Variants in RBFOX1 observed in about 807,000 individuals in gnomAD.
The protein encoded by RBFOX1 is RNA binding fox-1 homolog 1.
RBFOX1 carries 8 observed loss-of-function variants against 57.7 expected under a neutral mutation model. That is an observed-to-expected ratio of 0.14 (90% CI 0.08 to 0.25). RBFOX1 has a LOEUF of 0.25. RBFOX1 is among the 10% of genes least tolerant of loss of function. The probability of loss-of-function intolerance (pLI) is 1.00; values close to 1 mark genes in which losing one functional copy is unlikely to be tolerated. For missense variants in RBFOX1, 611 were observed against 548.5 expected (o/e 1.11, Z -1.14); for synonymous variants, 326 against 222.4 (o/e 1.47, Z -4.15).
chr16:6,804,423 A>T (rs1032244140), intron 3 of RBFOX1, among the ~76,000 whole-genome samples: 1 of 152,168 alleles, frequency 6.6e-6, no homozygotes. Context: ...CAGGTCAACA[A>T]TAACTCTTTG....
chr16:7,237,212 G>C lies in RBFOX1; in HGVS notation c.27+185114G>C, dbSNP rs78650332. ...ATAACTTCCCTTGCCTGGCATCTGG[G>C]TTCTTGCCTTGTAATCCAGAAGACC... On this transcript the variant is annotated intron_variant, in intron 4 of 15. Coordinates refer to ENST00000550418, the MANE Select transcript of RBFOX1 (RefSeq NM_018723.4). 7.2e-5 allele frequency among the ~76,000 whole-genome samples: 11 copies of C among 152,302 alleles called. No homozygotes were observed. The East Asian group carries it at 1.9e-3, about 27-fold the overall frequency.
intron 5 of RBFOX1, among the ~76,000 whole-genome samples, chr16:7,521,227 A>G (rs574473195): frequency 1.3e-5 from 2 of 152,298 alleles, no homozygotes; most frequent in South Asian, 2.1e-4. Context: ...AAGTCCTAAG[A>G]AGAGGCCAGT....
At chr16:7,505,680 G>A (rs972140810) in intron 4 of RBFOX1, among the ~76,000 whole-genome samples, 14 of 152,226 alleles carry the variant, frequency 9.2e-5, no homozygotes, top group African/African-American at 2.9e-4. Context: ...CAAGTCGACC[G>A]CCCACTCGGT....
At chr16:6,795,360 G>T (rs1001149371) in intron 3 of RBFOX1, among the ~76,000 whole-genome samples, 1 of 152,076 alleles carries the variant, frequency 6.6e-6, no homozygotes, top group East Asian at 1.9e-4. Context: ...CATTTCACCC[G>T]AGTCCACAAC....
chr16:6,914,524 C>G lies in RBFOX1; in HGVS notation c.-15-137533C>G, dbSNP rs184869336. 4.5e-4 allele frequency among the ~76,000 whole-genome samples: 69 copies of G among 151,910 alleles called. No individual in the cohort carries two copies. The East Asian group carries it at 0.012, about 26-fold the overall frequency. On this transcript the variant is annotated intron_variant, in intron 3 of 15. Transcript: ENST00000550418. ...AGCCACCTTTGATAAGTGAGAATCT[C>G]TCTGGACATCAGTTTTCAGCTCCAG...
intron 4 of RBFOX1, among the ~76,000 whole-genome samples, chr16:7,264,910 A>G (rs754131155): frequency 2.6e-5 from 4 of 152,230 alleles, no homozygotes; most frequent in Non-Finnish European, 4.4e-5. Flanking sequence ...ACCTTCCCAC[A>G]GAAAGATCCA....
At chr16:5,406,065 C>T (rs1185579383) in intron 1 of RBFOX1, among the ~76,000 whole-genome samples, 2 of 152,144 alleles carry the variant, frequency 1.3e-5, no homozygotes, top group Admixed American at 6.5e-5. Flanking sequence ...TTACTTGCAA[C>T]CAAAGGCATT....
At chr16:6,364,586 C>G (rs1204996587) in intron 2 of RBFOX1, among the ~76,000 whole-genome samples, 1 of 152,200 alleles carries the variant, frequency 6.6e-6, no homozygotes, top group African/African-American at 2.4e-5. Flanking sequence ...CATGTGTGTA[C>G]ACACACTTTC....
intron 4 of RBFOX1, among the ~76,000 whole-genome samples, chr16:7,116,704 G>T (rs768141156): frequency 1.3e-5 from 2 of 152,168 alleles, no homozygotes; most frequent in Non-Finnish European, 2.9e-5. Context: ...TCTGTTTACT[G>T]TTAAGGTACG....
At chr16:6,818,571 A>C (rs1043308111) in intron 3 of RBFOX1, among the ~76,000 whole-genome samples, 1 of 152,086 alleles carries the variant, frequency 6.6e-6, no homozygotes, top group Non-Finnish European at 1.5e-5. Context: ...TTTTCTTCTA[A>C]AGTTGCTATG....
chr16:7,276,088 C>A (rs1026085391), intron 4 of RBFOX1, among the ~76,000 whole-genome samples: 2 of 152,300 alleles, frequency 1.3e-5, no homozygotes, highest in African/African-American at 2.4e-5. Flanking sequence ...ACCTCTTTGT[C>A]CATAAATGGA....
rs563084001 is a variant in RBFOX1 at position 6,852,499 on chromosome 16, A to C, written c.-16+197849A>C. 1.2e-4 allele frequency among the ~76,000 whole-genome samples: 18 copies of C among 152,328 alleles called. 1 individual carries two copies. The highest frequency in any genetic ancestry group is 4.1e-4 in the South Asian group (2 of 4,830). On this transcript the variant is annotated intron_variant, in intron 3 of 15. Coordinates refer to ENST00000550418, the MANE Select transcript of RBFOX1 (RefSeq NM_018723.4). ...TTAGGGTAAGTGTGAGAACAGTCTTACAAGTAGGGAACAATTCCTTGTGTC... is the reference window on the plus strand; with the variant it reads ...TTAGGGTAAGTGTGAGAACAGTCTTCCAAGTAGGGAACAATTCCTTGTGTC...
intron 5 of RBFOX1, among the ~76,000 whole-genome samples, chr16:7,540,022 C>T (rs1383401256): frequency 6.6e-6 from 1 of 152,124 alleles, no homozygotes; most frequent in Non-Finnish European, 1.5e-5. Context: ...TAGAAGGTGC[C>T]CTATAAATTG....
intron 3 of RBFOX1, among the ~76,000 whole-genome samples, chr16:5,644,403 G>A (rs1048754923): frequency 1.2e-4 from 19 of 152,214 alleles, no homozygotes; most frequent in Non-Finnish European, 2.5e-4. Context: ...GCCCATGGTA[G>A]AGGGAAGGAG....
chr16:6,758,967 A>G (rs1324032842), intron 3 of RBFOX1, among the ~76,000 whole-genome samples: 1 of 152,120 alleles, frequency 6.6e-6, no homozygotes, highest in Non-Finnish European at 1.5e-5. Flanking sequence ...CTAAGCTAGA[A>G]AAATGGATGT....
intron 3 of RBFOX1, among the ~76,000 whole-genome samples, chr16:5,766,533 C>T (rs1354012297): frequency 5.3e-5 from 8 of 152,038 alleles, no homozygotes; most frequent in South Asian, 2.1e-4. Context: ...TGCAGTGAGC[C>T]GAGATCACAT....
rs372747511 is a variant in RBFOX1, at chr16:7,641,101, C to T, written c.757+10418C>T. 9.9e-5 allele frequency among the ~76,000 whole-genome samples: 15 copies of T among 152,098 alleles called. 2 individuals are homozygous for T. The highest frequency in any genetic ancestry group is 6.6e-4 in the Admixed American group (10 of 15,264). ...CTGGGTCTACAGAGCTGGGAAGGAACAGCTTAGGAAGGGAGAGGCTGAATC... is the reference window on the plus strand; with the variant it reads ...CTGGGTCTACAGAGCTGGGAAGGAATAGCTTAGGAAGGGAGAGGCTGAATC... On this transcript the variant is annotated intron_variant, in intron 11 of 15. Coordinates refer to ENST00000550418, the MANE Select transcript of RBFOX1 (RefSeq NM_018723.4).
At chr16:6,528,626 T>G (rs899844456) in intron 2 of RBFOX1, among the ~76,000 whole-genome samples, 7 of 152,246 alleles carry the variant, frequency 4.6e-5, no homozygotes, top group African/African-American at 1.7e-4. Context: ...ATCTTCATTG[T>G]GAACCAGCTG....
intron 3 of RBFOX1, among the ~76,000 whole-genome samples, chr16:6,685,541 C>T (rs1399803117): frequency 6.6e-6 from 1 of 151,034 alleles, no homozygotes; most frequent in East Asian, 2.0e-4. Context: ...GCGTTCCTCA[C>T]TCTCCCAAAG....
Sources: allele counts gnomAD v4.1 joint callset (sites outside exome capture counted in the v4.1 genomes callset), GRCh38; gene constraint gnomAD v4.1.1; transcripts MANE v1.5; gene names NCBI Gene and HGNC (gene_info 2026-07-23, HGNC 2026-07-21).